The following CDH13 variants were observed in gnomAD, a reference collection of about 807,000 sequenced individuals.
CDH13 encodes cadherin 13.
CDH13 carries 24 observed loss-of-function variants against 63.8 expected under a neutral mutation model. The ratio of observed to expected loss-of-function variants is 0.38; its 90% CI spans 0.27 to 0.53. CDH13 has a LOEUF of 0.53. CDH13 is among the 20% of genes least tolerant of loss of function. The pLI is 0.85. For missense variants in CDH13, 1,049 were observed against 903.1 expected (o/e 1.16, Z -2.07); for synonymous variants, 503 against 355.3 (o/e 1.42, Z -4.67).
intron 2 of CDH13, among the ~76,000 whole-genome samples, chr16:82,994,770 AAGGGGAACTTTG>A (rs1020041593): frequency 6.6e-6 from 1 of 152,180 alleles, no homozygotes; most frequent in African/African-American, 2.4e-5. Flanking sequence ...TGATCTGGTT[AAGGGGAACTTTG>A]TCAGTTTAGT....
chr16:82,850,131 T>G (rs1433497224), intron 1 of CDH13, among the ~76,000 whole-genome samples: 1 of 152,214 alleles, frequency 6.6e-6, no homozygotes, highest in Non-Finnish European at 1.5e-5. Context: ...CTTCTAAAGA[T>G]TGTGATTCCT....
chr16:83,324,475 C>A (rs1046159415), intron 5 of CDH13, among the ~76,000 whole-genome samples: 1 of 152,186 alleles, frequency 6.6e-6, no homozygotes, highest in Non-Finnish European at 1.5e-5. Context: ...CTGTTCTAAA[C>A]TTTTTTAATG....
At chr16:82,707,077 G>A (rs550291269) in intron 1 of CDH13, among the ~76,000 whole-genome samples, 15 of 152,306 alleles carry the variant, frequency 9.8e-5, no homozygotes, top group East Asian at 1.9e-4. Context: ...CCTGTTTGGC[G>A]GGAAAATAGC....
rs561587998 is a variant in CDH13 at position 83,198,319 on chromosome 16, A to G, written c.484-19026A>G. Among the ~76,000 whole-genome samples, 84 of 143,306 alleles carry G rather than the reference A, an allele frequency of 5.9e-4. 1 individual carries two copies. The highest frequency in any genetic ancestry group is 4.1e-3 in the South Asian group (18 of 4,444). The allele number at this position is 143,306 out of a possible 152,430, so 94.0% of individuals were successfully genotyped here. On this transcript the variant is annotated intron_variant, in intron 4 of 13. Coordinates refer to ENST00000567109, the MANE Select transcript of CDH13 (RefSeq NM_001257.5). The stretch of plus-strand genomic sequence containing the variant: ...CCAAATGTAACACTAAATCACACAC[A>G]TGTACACACACACACACACACACAC...
rs192949694 is a variant in CDH13 at position 83,251,346 on chromosome 16, C to A, written c.636+33849C>A. Among the ~76,000 whole-genome samples the A allele has an allele frequency of 5.9e-5, 9 of 152,230 alleles. No individual in the cohort carries two copies. The East Asian group carries it at 1.7e-3, about 30-fold the overall frequency. ...GTTAAGTATTTTACATGAATTATCA[C>A]GTTATCCTTACAAGAAAATTGTGAG... On this transcript the variant is annotated intron_variant, in intron 5 of 13. Coordinates refer to ENST00000567109, the MANE Select transcript of CDH13 (RefSeq NM_001257.5).
chr16:83,240,620 G>T (rs1295865953), intron 5 of CDH13, among the ~76,000 whole-genome samples: 1 of 150,126 alleles, frequency 6.7e-6, no homozygotes, highest in African/African-American at 2.5e-5. Flanking sequence ...TGAAAGAGAG[G>T]AGGGTTGAGG....
intron 7 of CDH13, among the ~76,000 whole-genome samples, chr16:83,527,045 C>T (rs1224717273): frequency 6.6e-6 from 1 of 151,146 alleles, no homozygotes; most frequent in East Asian, 2.0e-4. Context: ...GGCAGGAGAT[C>T]ACTTGAACCC....
intron 2 of CDH13, among the ~76,000 whole-genome samples, chr16:82,889,328 A>G (rs569795672): frequency 1.5e-5 from 2 of 131,482 alleles, no homozygotes; most frequent in African/African-American, 6.0e-5. Flanking sequence ...CTCTCTACCT[A>G]CCTACCTATC....
intron 2 of CDH13, among the ~76,000 whole-genome samples, chr16:82,918,258 T>C (rs576202076): frequency 6.6e-6 from 1 of 152,226 alleles, no homozygotes; most frequent in East Asian, 1.9e-4. Context: ...TATAAGTGTA[T>C]CCTACTGATT....
intron 2 of CDH13, among the ~76,000 whole-genome samples, chr16:82,914,514 C>G (rs2041925608): frequency 6.6e-6 from 1 of 152,314 alleles, no homozygotes; most frequent in South Asian, 2.1e-4. Flanking sequence ...TGACCATCTT[C>G]TAACCCTCTA....
At chr16:83,374,781 A>G (rs56201854) in intron 6 of CDH13, among the ~76,000 whole-genome samples, 19,548 of 152,198 alleles carry the variant, frequency 0.13, 1,354 homozygotes, top group Non-Finnish European at 0.15. Flanking sequence ...AAAGATGCAT[A>G]ATATCTAGTC....
intron 3 of CDH13, among the ~76,000 whole-genome samples, chr16:83,065,392 A>C (rs2151531252): frequency 6.6e-6 from 1 of 152,292 alleles, no homozygotes; most frequent in Non-Finnish European, 1.5e-5. Context: ...AACTGCTGCT[A>C]ATTCAAAGAA....
At chr16:83,230,650 G>C (rs749552353) in intron 5 of CDH13, among the ~76,000 whole-genome samples, 5 of 152,176 alleles carry the variant, frequency 3.3e-5, no homozygotes, top group Non-Finnish European at 7.3e-5. Flanking sequence ...AGCTGGGCGT[G>C]GTGGCAAGCG....
chr16:82,901,011 T>A (rs1416634674), intron 2 of CDH13, among the ~76,000 whole-genome samples: 1 of 152,086 alleles, frequency 6.6e-6, no homozygotes, highest in Non-Finnish European at 1.5e-5. Flanking sequence ...AGTTTCTAGG[T>A]TCTTGGAGAT....
intron 3 of CDH13, among the ~76,000 whole-genome samples, chr16:83,107,405 G>T (rs1465188507): frequency 6.6e-6 from 1 of 152,178 alleles, no homozygotes; most frequent in Non-Finnish European, 1.5e-5. Context: ...ATAAATACTT[G>T]TTGACTAAAT....
chr16:83,097,055 C>G (rs984535598), intron 3 of CDH13, among the ~76,000 whole-genome samples: 2 of 152,198 alleles, frequency 1.3e-5, no homozygotes, highest in Non-Finnish European at 2.9e-5. Context: ...ACCACTCTCC[C>G]TTGTCACTTT....
At chr16:83,281,659 C>T (rs574344041) in intron 5 of CDH13, among the ~76,000 whole-genome samples, 8 of 151,914 alleles carry the variant, frequency 5.3e-5, no homozygotes, top group Non-Finnish European at 7.4e-5. Flanking sequence ...CTGTAATCCC[C>T]GCATTTTGGT....
chr16:83,413,525 C>T (rs1363460721), intron 6 of CDH13, among the ~76,000 whole-genome samples: 1 of 152,128 alleles, frequency 6.6e-6, no homozygotes, highest in Non-Finnish European at 1.5e-5. Flanking sequence ...CGGTAATGTT[C>T]CCCAACTAGA....
At chr16:83,672,034 C>CA (rs1222952131) in intron 9 of CDH13, among the ~76,000 whole-genome samples, 1 of 152,190 alleles carries the variant, frequency 6.6e-6, no homozygotes, top group Non-Finnish European at 1.5e-5. Flanking sequence ...GCCTGAGCAG[C>CA]AGGGATCAAT....
Sources: allele counts gnomAD v4.1 joint callset (sites outside exome capture counted in the v4.1 genomes callset), GRCh38; gene constraint gnomAD v4.1.1; transcripts MANE v1.5; gene names NCBI Gene and HGNC (gene_info 2026-07-23, HGNC 2026-07-21).